Variants in CFAP47 observed in about 807,000 individuals in gnomAD.
CFAP47 encodes the protein cilia and flagella associated protein 47, also known as cilia- and flagella-associated protein 47.
CFAP47 carries 29 observed loss-of-function variants against 148.1 expected under a neutral mutation model. The ratio of observed to expected loss-of-function variants is 0.20; its 90% CI spans 0.15 to 0.27. CFAP47 has a LOEUF of 0.27. Among genes scored for constraint, CFAP47 ranks in the 10% least tolerant of loss-of-function variants. CFAP47 has a pLI of 1.00. For missense variants in CFAP47, 1,872 were observed against 1,697.5 expected (o/e 1.10, Z -1.81); for synonymous variants, 664 against 577.3 (o/e 1.15, Z -2.15).
intron 57 of CFAP47, among the ~76,000 whole-genome samples, chrX:36,333,982 G>C (rs879947129): frequency 9.0e-6 from 1 of 111,399 alleles, no homozygotes; most frequent in African/African-American, 3.3e-5. Flanking sequence ...GCCTGTCTCT[G>C]TTCAGATAAA....
intron 42 of CFAP47, among the ~76,000 whole-genome samples, chrX:36,190,662 G>A (rs996109446): frequency 5.4e-5 from 6 of 111,878 alleles, no homozygotes; most frequent in African/African-American, 9.7e-5. Flanking sequence ...TCAACTTGTT[G>A]GCAAAATTCA....
At chrX:36,117,608 A>G (rs1283405793) in intron 33 of CFAP47, among the ~76,000 whole-genome samples, 3 of 111,839 alleles carry the variant, frequency 2.7e-5, no homozygotes, top group Non-Finnish European at 5.6e-5. Context: ...TTTTTCTTAT[A>G]GAGTTGTTTG....
At chrX:36,065,075 A>C (rs1181370507) in intron 26 of CFAP47, among the ~76,000 whole-genome samples, 2 of 112,172 alleles carry the variant, frequency 1.8e-5, no homozygotes, top group Non-Finnish European at 3.8e-5. Flanking sequence ...CAGTAGAAAG[A>C]ATCCTTGAAT....
chrX:35,991,324 A>C (rs1342102824), intron 16 of CFAP47, among the ~76,000 whole-genome samples: 4 of 111,013 alleles, frequency 3.6e-5, no homozygotes, highest in Non-Finnish European at 7.6e-5. Flanking sequence ...AAATGTAAGT[A>C]AAAATTAATC....
chrX:36,257,527 G>A (rs1476845271), intron 49 of CFAP47, among the ~76,000 whole-genome samples: 2 of 108,374 alleles, frequency 1.8e-5, no homozygotes, highest in Non-Finnish European at 3.8e-5. Flanking sequence ...TGGACTCAGC[G>A]ATCCTCCCAC....
chrX:36,002,140 T>C (rs764045110), intron 21 of CFAP47, among the ~76,000 whole-genome samples: 4 of 111,047 alleles, frequency 3.6e-5, no homozygotes, highest in Non-Finnish European at 7.5e-5. Flanking sequence ...CCTTGATGTT[T>C]AGTGATTTAA....
At position 36,159,540 on chromosome X, in the gene CFAP47, T is replaced by C; in HGVS notation, c.5901T>C (p.Phe1967=). 1 of 297,980 alleles carries C rather than the reference T, an allele frequency of 3.4e-6. No homozygotes were observed. Among genetic ancestry groups the C allele is most frequent in the Non-Finnish European group, 5.9e-6 (1 of 170,279 alleles). 24.6% of individuals were successfully genotyped at this position (297,980 alleles called of 1,213,427 possible). A position where few individuals can be genotyped will look rare whatever the true frequency, so the allele number is the denominator to read the frequency against. Reference sequence around the variant, plus strand: ...CAGTAAGAGGAATTACAATGACTTTTGCTCTTAAAGGCAAAGTCCTCGATT... The same window carrying C: ...CAGTAAGAGGAATTACAATGACTTTCGCTCTTAAAGGCAAAGTCCTCGATT... ...KNAVRGITMT[F]ALKGKVLDFK... The change falls in exon 38 of 64, where the codon TTT becomes TTC. Residue 1967 remains phenylalanine (F), a synonymous_variant. Transcript: ENST00000378653.
chrX:36,042,885 T>C (rs1209528987), intron 25 of CFAP47, among the ~76,000 whole-genome samples: 2 of 111,632 alleles, frequency 1.8e-5, no homozygotes, highest in Admixed American at 1.9e-4. Context: ...AAGAATAAGA[T>C]GGGAAGTGCT....
At chrX:36,203,773 A>G (rs972548026) in intron 44 of CFAP47, among the ~76,000 whole-genome samples, 10 of 112,192 alleles carry the variant, frequency 8.9e-5, no homozygotes, top group Non-Finnish European at 1.7e-4. Context: ...TGTCCACTTT[A>G]CGAAGAATAG....
chrX:35,968,553 G>A (rs1936443749), intron 10 of CFAP47, among the ~76,000 whole-genome samples: 1 of 111,255 alleles, frequency 9.0e-6, no homozygotes, highest in African/African-American at 3.3e-5. Flanking sequence ...TACTAGTAAA[G>A]TATCTAAACT....
chrX:36,070,496 C>CTTT (rs34621358), intron 27 of CFAP47, among the ~76,000 whole-genome samples: 15 of 91,216 alleles, frequency 1.6e-4, no homozygotes, highest in African/African-American at 6.0e-4. Flanking sequence ...TTTTCTTTTC[C>CTTT]TTTTTTTTTT....
chrX:36,068,488 G>A (rs1937681600), intron 27 of CFAP47, among the ~76,000 whole-genome samples: 1 of 111,542 alleles, frequency 9.0e-6, no homozygotes, highest in Admixed American at 9.5e-5. Context: ...CATCAGGAAG[G>A]CATCTTTTAG....
chrX:36,377,990 A>G (rs1360116800), intron 62 of CFAP47, among the ~76,000 whole-genome samples: 1 of 111,962 alleles, frequency 8.9e-6, no homozygotes, highest in Non-Finnish European at 1.9e-5. Context: ...ACCTTCTGTT[A>G]TGATACTCAA....
At position 35,970,835 on chromosome X, in the gene CFAP47, A is replaced by C; in HGVS notation, c.1882A>C (p.Lys628Gln). ...TGATTTTGCATATACTACATTTGAA[A>C]AACAGCAAAAGAAATTACATGAAAA... ...NHDFAYTTFE[K>Q]QQKKLHENYY... is the part of the protein sequence containing the mutation. The change falls in exon 11 of 64, where the codon AAA (lysine) becomes CAA (glutamine). Residue 628 changes from lysine to glutamine, a missense_variant. Lys to Gln is a moderately conservative substitution (Grantham distance 53). Coordinates refer to ENST00000378653, the MANE Select transcript of CFAP47 (RefSeq NM_001304548.2). 8.4e-7 allele frequency: 1 copy of C among 1,188,598 alleles called. No individual in the cohort carries two copies. Among genetic ancestry groups the C allele is most frequent in the Non-Finnish European group, 1.1e-6 (1 of 879,763 alleles).
At chrX:36,225,783 A>G (rs16987419) in intron 45 of CFAP47, among the ~76,000 whole-genome samples, 6,978 of 110,972 alleles carry the variant, frequency 0.063, 211 homozygotes, top group Middle Eastern at 0.12. Context: ...CCTAGAAAGC[A>G]TGAGACCAGG....
chrX:36,145,514 T>C (rs1939220751), intron 36 of CFAP47, among the ~76,000 whole-genome samples, 161 bp downstream of exon 36: 1 of 111,870 alleles, frequency 8.9e-6, no homozygotes, highest in Non-Finnish European at 1.9e-5. Context: ...AAGCCAAAGG[T>C]CTAGATGAGC....
intron 58 of CFAP47, among the ~76,000 whole-genome samples, chrX:36,348,699 T>C (rs1271623857): frequency 1.8e-5 from 2 of 111,127 alleles, no homozygotes; most frequent in African/African-American, 6.5e-5. Context: ...GATACTGGAA[T>C]TCACACTGTG....
intron 45 of CFAP47, among the ~76,000 whole-genome samples, chrX:36,206,972 A>G (rs1416157480): frequency 3.6e-5 from 4 of 112,291 alleles, no homozygotes; most frequent in African/African-American, 9.7e-5. Context: ...TTCTGTTTTC[A>G]CTGCCTTAAA....
At chrX:35,998,878 T>C (rs1345904321) in intron 19 of CFAP47, among the ~76,000 whole-genome samples, 3 of 111,494 alleles carry the variant, frequency 2.7e-5, no homozygotes, top group Admixed American at 9.6e-5. Flanking sequence ...CCTAAAGTCA[T>C]TTTGGGCATG....
Sources: allele counts gnomAD v4.1 joint callset (sites outside exome capture counted in the v4.1 genomes callset), GRCh38; gene constraint gnomAD v4.1.1; transcripts MANE v1.5; gene names NCBI Gene and HGNC (gene_info 2026-07-23, HGNC 2026-07-21).